The following DLG2 variants were observed in gnomAD, a reference collection of about 807,000 sequenced individuals.
DLG2 encodes discs large MAGUK scaffold protein 2.
A neutral mutation model predicts 132.5 loss-of-function variants in DLG2; 45 were observed. The ratio of observed to expected loss-of-function variants is 0.34; its 90% CI spans 0.27 to 0.44. DLG2 has a LOEUF of 0.44. Among genes scored for constraint, DLG2 ranks in the 20% least tolerant of loss-of-function variants. The pLI, the probability that DLG2 is intolerant of heterozygous loss-of-function variation, is 1.00. For missense variants in DLG2, 1,045 were observed against 1,196.9 expected, an observed-to-expected ratio of 0.87 and a Z score of 1.87; for synonymous variants, 424 against 419.6, an observed-to-expected ratio of 1.01 and a Z score of -0.13.
chr11:85,187,348 C>A (rs540180604), intron 4 of DLG2, among the ~76,000 whole-genome samples: 2 of 152,086 alleles, frequency 1.3e-5, no homozygotes, highest in East Asian at 3.9e-4. Context: ...GAGAAAAGAA[C>A]AAATAAAAAT....
At chr11:85,463,876 T>C (rs143313258) in intron 3 of DLG2, among the ~76,000 whole-genome samples, 37 of 151,956 alleles carry the variant, frequency 2.4e-4, no homozygotes, top group African/African-American at 8.4e-4. Flanking sequence ...TAGAATTATA[T>C]CAATGGCAGA....
At chr11:84,166,840 T>C (rs1267909953) in intron 8 of DLG2, 16 of 504,634 alleles carry the variant, frequency 3.2e-5, no homozygotes, top group Non-Finnish European at 6.5e-5. Flanking sequence ...TGGTGTCTCA[T>C]ATAATATTCC....
At chr11:84,219,353 G>C (rs151302210) in intron 8 of DLG2, among the ~76,000 whole-genome samples, 1 of 152,064 alleles carries the variant, frequency 6.6e-6, no homozygotes, top group East Asian at 1.9e-4. Flanking sequence ...CTATTGTTAC[G>C]GGGAGATTTT....
At chr11:84,455,210 A>G (rs2099062182) in intron 7 of DLG2, among the ~76,000 whole-genome samples, 1 of 151,390 alleles carries the variant, frequency 6.6e-6, no homozygotes, top group Non-Finnish European at 1.5e-5. Context: ...ATGAAATTTC[A>G]CACCTGTCCA....
At chr11:85,395,825 C>A (rs1042410008) in intron 3 of DLG2, among the ~76,000 whole-genome samples, 1 of 152,240 alleles carries the variant, frequency 6.6e-6, no homozygotes, top group East Asian at 1.9e-4. Flanking sequence ...GATTCCACTT[C>A]TAAGGGCAGG....
intron 3 of DLG2, among the ~76,000 whole-genome samples, chr11:85,554,543 G>A (rs1565678530): frequency 6.6e-6 from 1 of 151,752 alleles, no homozygotes. Flanking sequence ...AGCTAACTAT[G>A]GGAAGAATTT....
chr11:84,214,232 T>C (rs1292497742), intron 8 of DLG2, among the ~76,000 whole-genome samples: 3 of 144,444 alleles, frequency 2.1e-5, no homozygotes, highest in African/African-American at 8.0e-5. Context: ...CATATATACA[T>C]ATATATGAAT....
intron 3 of DLG2, among the ~76,000 whole-genome samples, chr11:85,495,907 A>T (rs2093658649): frequency 6.6e-6 from 1 of 152,226 alleles, no homozygotes; most frequent in African/African-American, 2.4e-5. Flanking sequence ...AGGCTGCATA[A>T]AGAAAATGTG....
At chr11:85,181,787 C>G (rs981140010) in intron 4 of DLG2, among the ~76,000 whole-genome samples, 1 of 151,336 alleles carries the variant, frequency 6.6e-6, no homozygotes, top group Admixed American at 6.6e-5. Context: ...TTCTAAATAT[C>G]TTCTCTATTA....
intron 7 of DLG2, among the ~76,000 whole-genome samples, chr11:84,285,094 T>C (rs981172779): frequency 1.3e-5 from 2 of 152,182 alleles, no homozygotes; most frequent in African/African-American, 4.8e-5. Context: ...CCCTTGTTTA[T>C]TTTTTTGGCT....
intron 6 of DLG2, among the ~76,000 whole-genome samples, chr11:85,071,858 G>A (rs970543169): frequency 6.6e-6 from 1 of 151,782 alleles, no homozygotes; most frequent in African/African-American, 2.4e-5. Flanking sequence ...CTTGTGTTCA[G>A]AAATGGAAAA....
chr11:84,670,262 T>G (rs1054574171), intron 6 of DLG2, among the ~76,000 whole-genome samples: 1 of 152,072 alleles, frequency 6.6e-6, no homozygotes, highest in African/African-American at 2.4e-5. Context: ...CTCAGAGAGG[T>G]TTGTGAACTC....
intron 6 of DLG2, among the ~76,000 whole-genome samples, chr11:84,641,475 C>T (rs553916202): frequency 2.6e-5 from 4 of 152,096 alleles, no homozygotes; most frequent in Non-Finnish European, 5.9e-5. Flanking sequence ...CTTCTGAATC[C>T]ATCCTTAAAA....
At chr11:84,280,867 A>ATT (rs35970331) in intron 7 of DLG2, among the ~76,000 whole-genome samples, 30,325 of 67,374 alleles carry the variant, frequency 0.45, 7,926 homozygotes, top group Non-Finnish European at 0.5. Flanking sequence ...TGCCCAGCCA[A>ATT]TTTTTTTTTT....
At chr11:84,501,565 T>C (rs555385391) in intron 7 of DLG2, among the ~76,000 whole-genome samples, 1 of 151,940 alleles carries the variant, frequency 6.6e-6, no homozygotes, top group African/African-American at 2.4e-5. Context: ...AGACTCCGTC[T>C]AAAAAAAAGA....
At chr11:83,468,201 A>G (rs1225105594) in intron 25 of DLG2, among the ~76,000 whole-genome samples, 1 of 152,198 alleles carries the variant, frequency 6.6e-6, no homozygotes, top group Non-Finnish European at 1.5e-5. Flanking sequence ...GTTCACATGA[A>G]AATGAATACA....
chr11:85,512,389 AAAAC>A (rs1253298421), intron 3 of DLG2, among the ~76,000 whole-genome samples: 1 of 152,140 alleles, frequency 6.6e-6, no homozygotes, highest in Non-Finnish European at 1.5e-5. Context: ...TTTTTATTCT[AAAAC>A]AAGGGTTGAG....
chr11:85,323,003 C>A (rs1224905875), intron 3 of DLG2, among the ~76,000 whole-genome samples: 1 of 152,196 alleles, frequency 6.6e-6, no homozygotes, highest in Non-Finnish European at 1.5e-5. Context: ...TTTTTAATGA[C>A]TGTTCATTGC....
intron 7 of DLG2, among the ~76,000 whole-genome samples, chr11:84,286,695 A>G (rs946298810): frequency 3.3e-5 from 5 of 152,154 alleles, no homozygotes; most frequent in Admixed American, 2.6e-4. Context: ...CTATTTTTCA[A>G]TAGCCTAAGG....
Sources: gnomAD v4.1 joint callset for allele counts (sites outside exome capture counted in the v4.1 genomes callset) on GRCh38, gnomAD v4.1.1 for gene constraint, MANE v1.5 for transcripts, NCBI Gene and HGNC (gene_info 2026-07-23, HGNC 2026-07-21) for gene names.